Variants in HNF1B observed in about 807,000 individuals in gnomAD.
The protein encoded by HNF1B is HNF1 homeobox B.
Under a neutral mutation model 61.7 loss-of-function variants are expected in HNF1B, and 8 were observed. The observed-to-expected ratio is 0.13, with a 90% CI of 0.08 to 0.23. The LOEUF is 0.23. Ranked by LOEUF, HNF1B falls within the 10% of genes least tolerant of loss-of-function variation. The pLI is 1.00. For synonymous variants in HNF1B, 314 were observed against 287.7 expected (o/e 1.09, Z -0.93); for missense variants, 562 against 714.5 (o/e 0.79, Z 2.43).
chr17:37,715,562 G>A (rs2033080357), intron 4 of HNF1B, among the ~76,000 whole-genome samples: 1 of 152,196 alleles, frequency 6.6e-6, no homozygotes, highest in Admixed American at 6.5e-5. Context: ...CAATGCTCCT[G>A]TGTGTACATA....
chr17:37,731,866 G>T, intron 3 of HNF1B, 36 bp from the exon 4 acceptor site: 3 of 1,404,632 alleles, frequency 2.1e-6, no homozygotes, highest in South Asian at 1.2e-5. Context: ...TGAGTGAGGG[G>T]GGGCGGGGGG....
chr17:37,744,942 T>C lies in HNF1B; in HGVS notation c.-58A>G, dbSNP rs1026644978. On this transcript the variant is annotated 5_prime_UTR_variant, in exon 1 of 9. Transcript: ENST00000617811. ...GGTGGGTGGGTGCGAGAGAGGAGGG[T>C]GGAGGGGAGTTTCACAAGCAAACCC... The C allele has an allele frequency of 2.9e-6, 4 of 1,389,368 alleles. No individual in the cohort carries two copies. Among genetic ancestry groups the C allele is most frequent in the Non-Finnish European group, 4.0e-6 (4 of 996,510 alleles). 86.1% of individuals were successfully genotyped at this position (1,389,368 alleles called of 1,614,324 possible). A position where few individuals can be genotyped will look rare whatever the true frequency, so the allele number is the denominator to read the frequency against.
intron 4 of HNF1B, among the ~76,000 whole-genome samples, chr17:37,721,720 T>TC (rs1491365730): frequency 2.5e-4 from 9 of 36,202 alleles, no homozygotes; most frequent in Admixed American, 1.1e-3. Flanking sequence ...TCTCTCTCTC[T>TC]TTTTTTTTTT....
At chr17:37,724,984 CTTCA>C (rs1192697106) in intron 4 of HNF1B, among the ~76,000 whole-genome samples, 1 of 151,446 alleles carries the variant, frequency 6.6e-6, no homozygotes, top group Non-Finnish European at 1.5e-5. Flanking sequence ...TCTCTCTCCT[CTTCA>C]TTTGTGTTTA....
At chr17:37,731,870 C>CG in intron 3 of HNF1B, 40 bp from the exon 4 acceptor site, 1 of 394,152 alleles carries the variant, frequency 2.5e-6, no homozygotes, top group Non-Finnish European at 4.8e-6. Context: ...TGAGGGGGGG[C>CG]GGGGGGACTT....
chr17:37,710,674 A>G lies in HNF1B; in HGVS notation c.1046-11T>C, dbSNP rs375528386. The G allele has an allele frequency of 1.2e-6, 2 of 1,612,238 alleles. No homozygotes were observed. Among genetic ancestry groups the G allele is most frequent in the Non-Finnish European group, 8.5e-7 (1 of 1,178,844 alleles). On this transcript the variant is annotated splice_polypyrimidine_tract_variant and intron_variant, in intron 4 of 8. Coordinates refer to ENST00000617811, the MANE Select transcript of HNF1B (RefSeq NM_000458.4). ...GGCTGTAGCGCACTCCTGCAAAACA[A>G]CACAAACCCAGTAGGGAACATTAGT...
chr17:37,713,770 T>C (rs1049304525), intron 4 of HNF1B, among the ~76,000 whole-genome samples: 1 of 152,178 alleles, frequency 6.6e-6, no homozygotes, highest in African/African-American at 2.4e-5. Flanking sequence ...AGGCTGCTCA[T>C]CAGCCCCAGA....
At chr17:37,724,936 GTA>G (rs879391778) in intron 4 of HNF1B, among the ~76,000 whole-genome samples, 1,188 of 71,896 alleles carry the variant, frequency 0.017, 4 homozygotes, top group East Asian at 0.035. Flanking sequence ...GTGTGTGTGT[GTA>G]TATATATATA....
rs565782508 is a variant in HNF1B at position 37,707,761 on chromosome 17, TTCTC to T, written c.1207-2716_1207-2713del. Reference sequence around the variant, plus strand: ...AGTATCCAGTATGTGCTTTGCTTTGTTCTCTCTCTTTTTTTTTTTTTTAAAGGTT... The same window carrying T: ...AGTATCCAGTATGTGCTTTGCTTTGTTCTCTTTTTTTTTTTTTTAAAGGTT... On this transcript the variant is annotated intron_variant, in intron 5 of 8. Transcript: ENST00000617811. Among the ~76,000 whole-genome samples, 14 of 149,908 alleles carry T rather than the reference TTCTC, an allele frequency of 9.3e-5. No individual in the cohort carries two copies. In the East Asian group the frequency reaches 1.7e-3, roughly 19 times the overall value.
chr17:37,707,772 T>C (rs923906570), intron 5 of HNF1B, among the ~76,000 whole-genome samples: 5 of 150,926 alleles, frequency 3.3e-5, no homozygotes, highest in Non-Finnish European at 5.9e-5. Context: ...TCTCTCTCTT[T>C]TTTTTTTTTT....
chr17:37,703,879 C>T (rs547717949), intron 6 of HNF1B, among the ~76,000 whole-genome samples: 7 of 152,206 alleles, frequency 4.6e-5, no homozygotes, highest in African/African-American at 1.7e-4. Flanking sequence ...AAGTTCCGAC[C>T]CTAGCTAAAG....
rs550274317 is a variant in HNF1B, at chr17:37,726,126, C to T, written c.1045+5469G>A. 7.0e-5 allele frequency among the ~76,000 whole-genome samples: 10 copies of T among 142,622 alleles called. No individual in the cohort carries two copies. In the East Asian group the frequency reaches 2.1e-3, roughly 30 times the overall value. The allele number at this position is 142,622 out of a possible 152,430, so 93.6% of individuals were successfully genotyped here. A position where few individuals can be genotyped will look rare whatever the true frequency, so the allele number is the denominator to read the frequency against. On this transcript the variant is annotated intron_variant, in intron 4 of 8. Transcript: ENST00000617811. ...AACAGTAGGAATGTGGGAAAAGGAA[C>T]TGCTGGGGGCTGTGTGTGTGTGTGT...
intron 8 of HNF1B, among the ~76,000 whole-genome samples, chr17:37,695,477 G>A (rs1355442865): frequency 6.6e-6 from 1 of 152,150 alleles, no homozygotes; most frequent in Non-Finnish European, 1.5e-5. Context: ...AGCCCCACCC[G>A]CCCCACACAC....
At chr17:37,713,569 C>T (rs1390324550) in intron 4 of HNF1B, among the ~76,000 whole-genome samples, 10 of 152,204 alleles carry the variant, frequency 6.6e-5, no homozygotes, top group Admixed American at 6.5e-4. Flanking sequence ...GAGCCTAGAC[C>T]TTTGAACGTT....
chr17:37,724,464 T>TAA (rs2033427367), intron 4 of HNF1B, among the ~76,000 whole-genome samples: 3 of 152,148 alleles, frequency 2.0e-5, no homozygotes, highest in Admixed American at 2.0e-4. Context: ...TGAGAACTAT[T>TAA]GTCCTACAGC....
At chr17:37,737,902 T>C (rs867270255) in intron 2 of HNF1B, among the ~76,000 whole-genome samples, 1 of 152,148 alleles carries the variant, frequency 6.6e-6, no homozygotes, top group African/African-American at 2.4e-5. Context: ...TTGAAGAGGC[T>C]GTTGTATTTG....
At chr17:37,697,872 G>T (rs1021095315) in intron 8 of HNF1B, among the ~76,000 whole-genome samples, 5 of 152,126 alleles carry the variant, frequency 3.3e-5, no homozygotes, top group African/African-American at 1.2e-4. Context: ...CAAGACACCA[G>T]TTACTTAATC....
At position 37,731,610 on chromosome 17, in the gene HNF1B, G is replaced by T; in HGVS notation, c.1030C>A (p.Pro344Thr). The T allele has an allele frequency of 1.2e-6, 2 of 1,612,960 alleles. No homozygotes were observed. Among genetic ancestry groups the T allele is most frequent in the Non-Finnish European group, 1.7e-6 (2 of 1,179,452 alleles). Residue 344 changes from proline to threonine, a missense_variant, in exon 4 of 9, where the codon CCA (proline) becomes ACA (threonine). Coordinates refer to ENST00000617811, the MANE Select transcript of HNF1B (RefSeq NM_000458.4). ...SPHHQPSSSP[P>T]NKLSGVRYSQ... ...CTTTGCTTACCTGACAGCTTGTTTGGAGGAGAGGAGCTGGGCTGGTGGTGG... is the reference window on the plus strand; with the variant it reads ...CTTTGCTTACCTGACAGCTTGTTTGTAGGAGAGGAGCTGGGCTGGTGGTGG...
intron 8 of HNF1B, among the ~76,000 whole-genome samples, chr17:37,688,420 C>CACAT (rs1245700763): frequency 6.6e-6 from 1 of 150,392 alleles, no homozygotes; most frequent in Non-Finnish European, 1.5e-5. Context: ...CACACACACA[C>CACAT]ACTTACACCT....
Sources: allele counts gnomAD v4.1 joint callset (sites outside exome capture counted in the v4.1 genomes callset), GRCh38; gene constraint gnomAD v4.1.1; transcripts MANE v1.5; gene names NCBI Gene and HGNC (gene_info 2026-07-23, HGNC 2026-07-21).